The following CELF4 variants were observed in gnomAD, a reference collection of about 807,000 sequenced individuals.
The protein encoded by CELF4 is CUGBP Elav-like family member 4.
CELF4 carries 18 observed loss-of-function variants against 59.9 expected under a neutral mutation model. The ratio of observed to expected loss-of-function variants is 0.30; its 90% confidence interval spans 0.21 to 0.45. CELF4 has a LOEUF of 0.45. CELF4 is among the 20% of genes least tolerant of loss of function. The pLI, the probability that CELF4 is intolerant of heterozygous loss-of-function variation, is 1.00. For synonymous variants in CELF4, 261 were observed against 267.1 expected, an observed-to-expected ratio of 0.98 and a Z score of 0.22; for missense variants, 456 against 689.0, an observed-to-expected ratio of 0.66 and a Z score of 3.79.
At chr18:37,440,188 C>T (rs188758353) in intron 2 of CELF4, among the ~76,000 whole-genome samples, 3 of 152,282 alleles carry the variant, frequency 2.0e-5, no homozygotes, top group South Asian at 2.1e-4. Flanking sequence ...GTCCTGTACA[C>T]GCTCCCGGTG....
At chr18:37,262,058 C>T (rs1323332111) in intron 10 of CELF4, among the ~76,000 whole-genome samples, 1 of 152,168 alleles carries the variant, frequency 6.6e-6, no homozygotes, top group African/African-American at 2.4e-5. Context: ...TCACCTTGGA[C>T]TCTGCAGCAG....
intron 1 of CELF4, among the ~76,000 whole-genome samples, chr18:37,538,472 G>A (rs1290721837): frequency 1.3e-5 from 2 of 152,122 alleles, no homozygotes; most frequent in Non-Finnish European, 2.9e-5. Context: ...GACTCCTTCA[G>A]GGCAGAGGCT....
intron 2 of CELF4, among the ~76,000 whole-genome samples, chr18:37,380,821 A>ATCCATCCATCCATCCG (rs1220452239): frequency 1.3e-5 from 2 of 149,568 alleles, no homozygotes; most frequent in East Asian, 4.0e-4. Flanking sequence ...CCATCCATCC[A>ATCCATCCATCCATCCG]TCATCTATCC....
intron 2 of CELF4, among the ~76,000 whole-genome samples, chr18:37,393,705 T>C (rs1480038343): frequency 6.6e-6 from 1 of 152,130 alleles, no homozygotes; most frequent in Non-Finnish European, 1.5e-5. Context: ...TACCTGAGTC[T>C]CTCTTGGTGA....
chr18:37,500,994 C>T (rs2099931223), intron 1 of CELF4, among the ~76,000 whole-genome samples: 1 of 152,202 alleles, frequency 6.6e-6, no homozygotes, highest in South Asian at 2.1e-4. Flanking sequence ...CTCTACCCTT[C>T]CTGTGAGGTG....
intron 3 of CELF4, among the ~76,000 whole-genome samples, chr18:37,286,667 TGCAAGGCCTCA>T (rs1569529782): frequency 6.6e-6 from 1 of 151,890 alleles, no homozygotes; most frequent in East Asian, 1.9e-4. Flanking sequence ...CCCGGGGAGG[TGCAAGGCCTCA>T]GCATCCTCCT....
intron 3 of CELF4, among the ~76,000 whole-genome samples, chr18:37,317,693 C>T (rs2096916153): frequency 6.6e-6 from 1 of 152,204 alleles, no homozygotes; most frequent in African/African-American, 2.4e-5. Flanking sequence ...GCTGGCACTG[C>T]CCTCACACCA....
chr18:37,463,187 A>T (rs559585875), intron 2 of CELF4, among the ~76,000 whole-genome samples: 3 of 152,324 alleles, frequency 2.0e-5, no homozygotes, highest in South Asian at 2.1e-4. Context: ...GAATTTCAAG[A>T]TGATGACTGC....
chr18:37,273,609 C>A (rs2092322516), intron 6 of CELF4: 2 of 990,008 alleles, frequency 2.0e-6, no homozygotes, highest in Non-Finnish European at 2.4e-6. Context: ...ATGAATAGAA[C>A]CCCAGGCACC....
At chr18:37,252,790 A>C (rs753874182) in intron 12 of CELF4, among the ~76,000 whole-genome samples, 1 of 151,222 alleles carries the variant, frequency 6.6e-6, no homozygotes, top group Non-Finnish European at 1.5e-5. Flanking sequence ...AATCTTGCTC[A>C]CTGCTGAACC....
chr18:37,330,935 A>G (rs1348087720), intron 2 of CELF4, among the ~76,000 whole-genome samples: 2 of 152,222 alleles, frequency 1.3e-5, no homozygotes, highest in Non-Finnish European at 2.9e-5. Flanking sequence ...GTGAGCACCG[A>G]CCAGACAGAA....
chr18:37,334,429 C>A (rs897386742), intron 2 of CELF4, among the ~76,000 whole-genome samples: 1 of 152,286 alleles, frequency 6.6e-6, no homozygotes, highest in South Asian at 2.1e-4. Context: ...CTGGGCCTGG[C>A]GAGGGGATCT....
rs573474148 is a variant in CELF4, at chr18:37,555,233, C to A, written c.286+10123G>T. 5.3e-5 allele frequency among the ~76,000 whole-genome samples: 8 copies of A among 152,290 alleles called. No individual in the cohort carries two copies. The East Asian group carries it at 9.7e-4, about 18-fold the overall frequency. On this transcript the variant is annotated intron_variant, in intron 1 of 12. Coordinates refer to ENST00000420428, the MANE Select transcript of CELF4 (RefSeq NM_020180.4). Reference sequence around the variant, plus strand: ...GCTTTCCGTGCCTCATCCGGTGAGACCAAGCCAAGCCAAGTATTGATTTGA... The same window carrying A: ...GCTTTCCGTGCCTCATCCGGTGAGAACAAGCCAAGCCAAGTATTGATTTGA...
chr18:37,408,613 G>A (rs1165042666), intron 2 of CELF4, among the ~76,000 whole-genome samples: 1 of 152,036 alleles, frequency 6.6e-6, no homozygotes, highest in South Asian at 2.1e-4. Flanking sequence ...CCTAGAATTG[G>A]AGGCAGAGTT....
At chr18:37,496,191 A>T (rs906689326) in intron 1 of CELF4, among the ~76,000 whole-genome samples, 2 of 152,054 alleles carry the variant, frequency 1.3e-5, no homozygotes, top group Non-Finnish European at 2.9e-5. Context: ...CTCCTTCGAA[A>T]ATGTCTGATG....
At position 37,275,186 on chromosome 18, in the gene CELF4, C is replaced by A. The variant is rs774068000; in HGVS notation, c.506G>T (p.Arg169Leu). 6.2e-7 allele frequency: 1 copy of A among 1,613,562 alleles called. No individual in the cohort carries two copies. Among genetic ancestry groups the A allele is most frequent in the African/African-American group, 1.3e-5 (1 of 74,884 alleles). Residue 169 changes from arginine (R) to leucine (L), a missense_variant, in exon 4 of 13, where the codon CGC becomes CTC. Transcript: ENST00000420428. ...LNKQQSEDDV[R>L]RLFEAFGNIE... Reference sequence around the variant, plus strand: ...GTTCCCAAAGGCCTCGAAAAGGCGGCGCACGTCGTCCTCGGACTGTTGCTT... The same window carrying A: ...GTTCCCAAAGGCCTCGAAAAGGCGGAGCACGTCGTCCTCGGACTGTTGCTT...
intron 2 of CELF4, among the ~76,000 whole-genome samples, chr18:37,430,984 C>G (rs1394917863): frequency 1.3e-5 from 2 of 152,214 alleles, no homozygotes; most frequent in Non-Finnish European, 1.5e-5. Context: ...CAACCCTGGT[C>G]TGGGGAACTT....
chr18:37,413,121 T>C (rs2099489350), intron 2 of CELF4, among the ~76,000 whole-genome samples: 1 of 152,218 alleles, frequency 6.6e-6, no homozygotes, highest in Non-Finnish European at 1.5e-5. Flanking sequence ...GAAATGGAAA[T>C]TCATGTTTAA....
intron 2 of CELF4, among the ~76,000 whole-genome samples, chr18:37,347,127 G>A (rs1203507091): frequency 5.9e-5 from 9 of 152,074 alleles, no homozygotes; most frequent in Non-Finnish European, 8.8e-5. Flanking sequence ...TCACAAGAGC[G>A]AAGTCTGAAC....
Sources: gnomAD v4.1 joint callset for allele counts (sites outside exome capture counted in the v4.1 genomes callset) on GRCh38, gnomAD v4.1.1 for gene constraint, MANE v1.5 for transcripts, NCBI Gene and HGNC (gene_info 2026-07-23, HGNC 2026-07-21) for gene names.